Variants in EDEM3 observed in about 807,000 individuals in gnomAD.
The protein encoded by EDEM3 is ER degradation enhancing alpha-mannosidase like protein 3.
Under a neutral mutation model 110.2 loss-of-function variants are expected in EDEM3, and 60 were observed. The ratio of observed to expected loss-of-function variants is 0.54; its 90% confidence interval spans 0.44 to 0.67. EDEM3 has a LOEUF of 0.67. Ranked by LOEUF, EDEM3 falls within the 30% of genes least tolerant of loss-of-function variation. The pLI is 0.00. For synonymous variants in EDEM3, 352 were observed against 382.9 expected (o/e 0.92, Z 0.94); for missense variants, 996 against 1,121.0 (o/e 0.89, Z 1.59).
chr1:184,706,883 G>C, intron 17 of EDEM3, 75 bp from the exon 18 acceptor site: 6 of 1,456,248 alleles, frequency 4.1e-6, no homozygotes, highest in Non-Finnish European at 4.7e-6. Flanking sequence ...TCAATATCTA[G>C]AGTTTTAAAA....
intron 19 of EDEM3, among the ~76,000 whole-genome samples, chr1:184,699,468 A>G (rs1049514410): frequency 3.3e-5 from 5 of 151,998 alleles, no homozygotes; most frequent in African/African-American, 7.2e-5. Flanking sequence ...TCTTGGATGG[A>G]GAAGGGAAGG....
At chr1:184,753,373 T>C (rs1025836593) in intron 1 of EDEM3, among the ~76,000 whole-genome samples, 4 of 151,940 alleles carry the variant, frequency 2.6e-5, no homozygotes, top group Admixed American at 1.3e-4. Flanking sequence ...ATTGAACCAT[T>C]TCCTCCAAGG....
chr1:184,701,430 G>A, intron 19 of EDEM3: 1 of 960,020 alleles, frequency 1.0e-6, no homozygotes, highest in Non-Finnish European at 1.4e-6. Flanking sequence ...GTACTTGAGT[G>A]TGTGTACACA....
At chr1:184,700,426 T>C (rs540831684) in intron 19 of EDEM3, among the ~76,000 whole-genome samples, 4 of 152,116 alleles carry the variant, frequency 2.6e-5, no homozygotes, top group South Asian at 2.1e-4. Context: ...AGTGTACTTA[T>C]ATAATCTGTT....
chr1:184,701,779 T>C (rs949346376), intron 19 of EDEM3, among the ~76,000 whole-genome samples: 1 of 152,146 alleles, frequency 6.6e-6, no homozygotes, highest in Non-Finnish European at 1.5e-5. Context: ...ACAAACAACC[T>C]ACTTGCTCAC....
intron 1 of EDEM3, among the ~76,000 whole-genome samples, chr1:184,751,222 C>T (rs1028667633): frequency 6.6e-6 from 1 of 150,936 alleles, no homozygotes; most frequent in African/African-American, 2.4e-5. Context: ...AGACTCTTAT[C>T]CTGTCCTAAG....
rs551262433 is a variant in EDEM3, at chr1:184,735,546, CCTT to C, written c.346-906_346-904del. 3.0e-3 allele frequency among the ~76,000 whole-genome samples: 463 copies of C among 152,242 alleles called. 5 individuals carry two copies. Among genetic ancestry groups the C allele is most frequent in the African/African-American group, 0.011 (443 of 41,550 alleles). On this transcript the variant is annotated intron_variant, in intron 4 of 19. Transcript: ENST00000318130. ...TCCTTTACTTAACTGTTTAATCTCT[CCTT>C]GTTTGATAATAATTTGTTGTGCTTT...
rs1297311583 is a variant in EDEM3 at position 184,737,704 on chromosome 1, G to T, written c.212C>A (p.Ala71Asp). The T allele has an allele frequency of 6.2e-7, 1 of 1,613,294 alleles. No individual in the cohort carries two copies. The highest frequency in any genetic ancestry group is 1.7e-5 in the Admixed American group (1 of 59,986). ...DHAYGNYMEH[A>D]YPADELMPLT... Reference sequence around the variant, plus strand: ...AGGCATGAGTTCATCAGCAGGGTAAGCATGTTCCTGCAAGGAAAACTTTAG... The same window carrying T: ...AGGCATGAGTTCATCAGCAGGGTAATCATGTTCCTGCAAGGAAAACTTTAG... Residue 71 changes from alanine to aspartate, a missense_variant, in exon 3 of 20, where the codon GCT becomes GAT. This residue lies in a region of EDEM3 where 200 missense variants were observed against 183.8 expected (regional missense o/e 1.09). Transcript: ENST00000318130.
chr1:184,738,189 C>G (rs1349077270), intron 2 of EDEM3, among the ~76,000 whole-genome samples: 4 of 152,160 alleles, frequency 2.6e-5, no homozygotes, highest in Admixed American at 2.6e-4. Flanking sequence ...ATAACATTAG[C>G]TAATATTTAA....
chr1:184,705,990 T>C (rs186296531), intron 18 of EDEM3, among the ~76,000 whole-genome samples: 153 of 152,308 alleles, frequency 1.0e-3, no homozygotes, highest in Admixed American at 9.6e-3. Context: ...GATAAAGATC[T>C]GCTAGCAATA....
rs774922578 is a variant in EDEM3 at position 184,719,263 on chromosome 1, T to C, written c.1078-18A>G. On this transcript the variant is annotated intron_variant, in intron 10 of 19. Transcript: ENST00000318130. ...TTTAACACCTAGAAATCAACAACAA[T>C]AAAATTACCTAATAAAATATGAGCT... is the stretch of plus-strand genomic sequence containing the variant. 32 of 1,531,234 alleles carry C rather than the reference T, an allele frequency of 2.1e-5. No individual in the cohort carries two copies. Among genetic ancestry groups the C allele is most frequent in the Middle Eastern group, 3.5e-4 (2 of 5,740 alleles). The allele number at this position is 1,531,234 out of a possible 1,614,324, so 94.9% of individuals were successfully genotyped here.
rs769523345 is a variant in EDEM3 at position 184,701,583 on chromosome 1, A to G, written c.2389+1228T>C. On this transcript the variant is annotated intron_variant, in intron 19 of 19. Coordinates refer to ENST00000318130, the MANE Select transcript of EDEM3 (RefSeq NM_025191.4). ...GGTAGCACAAAATAGGGGGAAAAAA[A>G]GCAAATGCATTAAAGAGTTACAAGA... 7 of 1,238,742 alleles carry G rather than the reference A, an allele frequency of 5.7e-6. No individual in the cohort carries two copies. The South Asian group carries it at 6.5e-5, about 12-fold the overall frequency. 76.7% of individuals were successfully genotyped at this position (1,238,742 alleles called of 1,614,324 possible). A position where few individuals can be genotyped will look rare whatever the true frequency, so the allele number is the denominator to read the frequency against.
At chr1:184,698,681 T>A (rs1649453044) in intron 19 of EDEM3, among the ~76,000 whole-genome samples, 1 of 151,804 alleles carries the variant, frequency 6.6e-6, no homozygotes, top group African/African-American at 2.4e-5. Context: ...CAAGTTTAAT[T>A]TTATAAAGTT....
At position 184,754,785 on chromosome 1, in the gene EDEM3, CTG is replaced by C; in HGVS notation, c.-141_-140del. The C allele has an allele frequency of 7.5e-7, 1 of 1,341,448 alleles. No homozygotes were observed. The highest frequency in any genetic ancestry group is 9.7e-7 in the Non-Finnish European group (1 of 1,035,274). 83.1% of individuals were successfully genotyped at this position (1,341,448 alleles called of 1,614,324 possible). On this transcript the variant is annotated 5_prime_UTR_variant, in exon 1 of 20. Transcript: ENST00000318130. ...AACACGGACGGCCGCCGGCGCCAAACTGTTTCCCGAAGCCACCAAGCCGGTCC... is the reference window on the plus strand; with the variant it reads ...AACACGGACGGCCGCCGGCGCCAAACTTTCCCGAAGCCACCAAGCCGGTCC...
intron 18 of EDEM3, among the ~76,000 whole-genome samples, chr1:184,705,260 G>C (rs1239419971): frequency 6.6e-6 from 1 of 152,150 alleles, no homozygotes; most frequent in Non-Finnish European, 1.5e-5. Flanking sequence ...CAAAATGATA[G>C]TGATGGTTAA....
intron 18 of EDEM3, 136 bp from the exon 19 acceptor site, chr1:184,703,132 G>A (rs1204766993): frequency 6.9e-6 from 5 of 728,020 alleles, no homozygotes; most frequent in South Asian, 5.5e-5. Flanking sequence ...CATAATTTTT[G>A]GACCCATTAA....
chr1:184,695,093 C>T (rs1649260653), intron 19 of EDEM3, among the ~76,000 whole-genome samples: 1 of 151,984 alleles, frequency 6.6e-6, no homozygotes, highest in African/African-American at 2.4e-5. Context: ...TTTTAAAATC[C>T]ACTGGAAGGC....
At chr1:184,728,330 GAC>G (rs1278584496) in intron 6 of EDEM3, among the ~76,000 whole-genome samples, 1 of 152,180 alleles carries the variant, frequency 6.6e-6, no homozygotes, top group Non-Finnish European at 1.5e-5. Flanking sequence ...AGCTAAGAAT[GAC>G]AAAGTCTAAG....
intron 11 of EDEM3, 66 bp downstream of exon 11, chr1:184,719,096 A>T: frequency 1.1e-6 from 1 of 878,184 alleles, no homozygotes; most frequent in Non-Finnish European, 1.7e-6. Flanking sequence ...TATAGTGTAT[A>T]TGTGTACGTG....
Sources: allele counts gnomAD v4.1 joint callset (sites outside exome capture counted in the v4.1 genomes callset), GRCh38; gene constraint gnomAD v4.1.1; regional missense constraint gnomAD v4.1.1; transcripts MANE v1.5; gene names NCBI Gene and HGNC (gene_info 2026-07-23, HGNC 2026-07-21).